Variants in RAB27B observed in about 807,000 individuals in gnomAD.
RAB27B encodes the protein RAB27B, member RAS oncogene family, also known as ras-related protein Rab-27B.
A neutral mutation model predicts 24.6 loss-of-function variants in RAB27B; 15 were observed. That is an observed-to-expected ratio of 0.61 (90% confidence interval 0.41 to 0.94). RAB27B has a LOEUF of 0.94. Ranked by LOEUF, RAB27B falls within the 40% of genes least tolerant of loss-of-function variation. RAB27B has a pLI of 0.00. For synonymous variants in RAB27B, 105 were observed against 92.5 expected, an observed-to-expected ratio of 1.14 and a Z score of -0.78; for missense variants, 261 against 266.8, an observed-to-expected ratio of 0.98 and a Z score of 0.15.
intron 2 of RAB27B, among the ~76,000 whole-genome samples, chr18:54,756,399 T>C (rs191927233): frequency 6.6e-6 from 1 of 152,184 alleles, no homozygotes; most frequent in East Asian, 1.9e-4. Flanking sequence ...GAGCTCAACA[T>C]TGATATCCTG....
chr18:54,796,000 T>C (rs1233979993), intron 2 of RAB27B, among the ~76,000 whole-genome samples: 5 of 152,168 alleles, frequency 3.3e-5, no homozygotes, highest in Non-Finnish European at 7.3e-5. Flanking sequence ...TAAATGAATA[T>C]AATCATCACC....
At chr18:54,838,516 C>G (rs955067710) in intron 1 of RAB27B, among the ~76,000 whole-genome samples, 1 of 152,084 alleles carries the variant, frequency 6.6e-6, no homozygotes, top group Non-Finnish European at 1.5e-5. Context: ...ATAATTAGTA[C>G]GAGAACATAT....
intron 2 of RAB27B, among the ~76,000 whole-genome samples, chr18:54,747,992 A>G (rs1180849107): frequency 6.6e-6 from 1 of 152,014 alleles, no homozygotes; most frequent in Non-Finnish European, 1.5e-5. Context: ...TGTTGTCCCA[A>G]CTACCTGGGA....
At chr18:54,783,507 G>GTA (rs1491005153) in intron 2 of RAB27B, among the ~76,000 whole-genome samples, 1 of 145,958 alleles carries the variant, frequency 6.9e-6, no homozygotes, top group Non-Finnish European at 1.5e-5. Context: ...GTGTGTGTGT[G>GTA]TATGTATAGC....
At chr18:54,799,698 C>T (rs1407097491) in intron 2 of RAB27B, among the ~76,000 whole-genome samples, 2 of 137,440 alleles carry the variant, frequency 1.5e-5, no homozygotes, top group Middle Eastern at 4.6e-3. Context: ...GGCGTGATCT[C>T]GGCTCACTGC....
chr18:54,813,889 A>G (rs1304054128), intron 2 of RAB27B, among the ~76,000 whole-genome samples: 1 of 152,190 alleles, frequency 6.6e-6, no homozygotes, highest in Non-Finnish European at 1.5e-5. Context: ...ACAATGGATA[A>G]TTAGTTGGTA....
intron 2 of RAB27B, among the ~76,000 whole-genome samples, chr18:54,797,524 A>G (rs1909462378): frequency 6.6e-6 from 1 of 152,190 alleles, no homozygotes; most frequent in South Asian, 2.1e-4. Context: ...AAAATAAAAG[A>G]TAAGATATAA....
chr18:54,856,447 A>G (rs1911789400), intron 1 of RAB27B, among the ~76,000 whole-genome samples: 1 of 152,250 alleles, frequency 6.6e-6, no homozygotes, highest in African/African-American at 2.4e-5. Context: ...CCACTGGAAA[A>G]TATTAAGCAG....
intron 2 of RAB27B, among the ~76,000 whole-genome samples, chr18:54,771,081 G>A (rs1006710301): frequency 3.3e-5 from 5 of 152,168 alleles, no homozygotes; most frequent in Non-Finnish European, 5.9e-5. Flanking sequence ...TTAGACTGCA[G>A]TAAGATGGGG....
intron 2 of RAB27B, among the ~76,000 whole-genome samples, chr18:54,729,201 A>G (rs1909652770): frequency 6.6e-6 from 1 of 152,182 alleles, no homozygotes; most frequent in African/African-American, 2.4e-5. Flanking sequence ...AATACAAAAT[A>G]TCACTCTAAC....
chr18:54,734,502 A>G (rs1909830807), intron 2 of RAB27B, among the ~76,000 whole-genome samples: 1 of 152,176 alleles, frequency 6.6e-6, no homozygotes, highest in South Asian at 2.1e-4. Flanking sequence ...TACAATAACC[A>G]ATAATATAAG....
At chr18:54,774,360 C>T (rs1908650299) in intron 2 of RAB27B, among the ~76,000 whole-genome samples, 1 of 152,128 alleles carries the variant, frequency 6.6e-6, no homozygotes, top group Admixed American at 6.5e-5. Context: ...ATAATCCTTC[C>T]AACAACTTAA....
At chr18:54,874,617 T>C in intron 1 of RAB27B, among the ~76,000 whole-genome samples, 1 of 151,884 alleles carries the variant, frequency 6.6e-6, no homozygotes, top group Non-Finnish European at 1.5e-5. Context: ...TGTAGATGTG[T>C]CTTATTGACT....
At chr18:54,888,906 G>A (rs905750658) in intron 5 of RAB27B, among the ~76,000 whole-genome samples, 38 of 152,130 alleles carry the variant, frequency 2.5e-4, no homozygotes, top group African/African-American at 8.7e-4. Flanking sequence ...ACATTGGTCA[G>A]TAGTTTTATT....
At chr18:54,785,930 T>C (rs1445765269) in intron 2 of RAB27B, among the ~76,000 whole-genome samples, 2 of 152,198 alleles carry the variant, frequency 1.3e-5, no homozygotes, top group Non-Finnish European at 2.9e-5. Flanking sequence ...AAAAGGGAAA[T>C]ATTGTCCAAG....
chr18:54,838,151 A>G (rs149072780), intron 1 of RAB27B, among the ~76,000 whole-genome samples: 493 of 152,264 alleles, frequency 3.2e-3, no homozygotes, highest in Middle Eastern at 0.01. Context: ...TAAATTGATA[A>G]CACTTTTATC....
chr18:54,840,270 A>G (rs1163390142), intron 1 of RAB27B, among the ~76,000 whole-genome samples: 1 of 152,144 alleles, frequency 6.6e-6, no homozygotes, highest in Non-Finnish European at 1.5e-5. Context: ...ATGTTTTTCT[A>G]CAATGCTTAG....
At chr18:54,734,288 G>T (rs1909823044) in intron 2 of RAB27B, among the ~76,000 whole-genome samples, 1 of 152,114 alleles carries the variant, frequency 6.6e-6, no homozygotes, top group African/African-American at 2.4e-5. Context: ...TCGGAGAGTT[G>T]TCTAAGCCAT....
intron 2 of RAB27B, among the ~76,000 whole-genome samples, chr18:54,796,981 T>G (rs1229308603): frequency 3.3e-5 from 5 of 152,216 alleles, no homozygotes; most frequent in Non-Finnish European, 5.9e-5. Context: ...AGAGGAGTCA[T>G]TGCCGTCTTT....
Sources: gnomAD v4.1 joint callset for allele counts (sites outside exome capture counted in the v4.1 genomes callset) on GRCh38, gnomAD v4.1.1 for gene constraint, MANE v1.5 for transcripts, NCBI Gene and HGNC (gene_info 2026-07-23, HGNC 2026-07-21) for gene names.